ANKRD26: variants seen among roughly 807,000 people sequenced by gnomAD.
The protein encoded by ANKRD26 is ankyrin repeat domain 26.
ANKRD26 carries 141 observed loss-of-function variants against 208.7 expected under a neutral mutation model. The observed-to-expected ratio is 0.68, with a 90% CI of 0.59 to 0.78. ANKRD26 has a LOEUF of 0.78. Ranked by LOEUF, ANKRD26 falls within the 30% of genes least tolerant of loss-of-function variation. ANKRD26 has a pLI of 0.00. For synonymous variants in ANKRD26, 636 were observed against 660.4 expected, an observed-to-expected ratio of 0.96 and a Z score of 0.57; for missense variants, 1,889 against 1,938.7, an observed-to-expected ratio of 0.97 and a Z score of 0.48.
At chr10:27,046,324 T>C (rs995539029) in intron 18 of ANKRD26, 29 bp downstream of exon 18, 2 of 1,610,214 alleles carry the variant, frequency 1.2e-6, no homozygotes, top group Non-Finnish European at 8.5e-7. Context: ...CCTTCCTCCA[T>C]AGAAAAATAA....
rs1343361497 is a variant in ANKRD26 at position 27,033,218 on chromosome 10, T to C, written c.3807+7A>G. On this transcript the variant is annotated splice_region_variant and intron_variant, in intron 25 of 33. Transcript: ENST00000376087. ...TAACTGTTTGACATGTTAAATTTCATACATACTTGATTTCTGATTTGACCT... is the reference window on the plus strand; with the variant it reads ...TAACTGTTTGACATGTTAAATTTCACACATACTTGATTTCTGATTTGACCT... 2.5e-6 allele frequency: 4 copies of C among 1,603,014 alleles called. No homozygotes were observed. Among genetic ancestry groups the C allele is most frequent in the Admixed American group, 1.7e-5 (1 of 59,764 alleles).
intron 25 of ANKRD26, among the ~76,000 whole-genome samples, chr10:27,029,915 T>C (rs1359066409): frequency 2.6e-5 from 4 of 152,188 alleles, no homozygotes; most frequent in African/African-American, 4.8e-5. Flanking sequence ...AGTTACCAGC[T>C]GTGTGACCTT....
At chr10:27,088,114 G>T (rs1267310886) in intron 4 of ANKRD26, among the ~76,000 whole-genome samples, 2 of 152,148 alleles carry the variant, frequency 1.3e-5, no homozygotes, top group African/African-American at 4.8e-5. Flanking sequence ...CCATGAAGGA[G>T]ATGTGAATTG....
At chr10:26,997,341 T>C (rs2052615323) in intron 4 of ANKRD26, among the ~76,000 whole-genome samples, 1 of 152,206 alleles carries the variant, frequency 6.6e-6, no homozygotes, top group African/African-American at 2.4e-5. Context: ...TGGCTGCTCC[T>C]GTGTCAAGGA....
chr10:27,084,039 C>G (rs575344900), intron 5 of ANKRD26, among the ~76,000 whole-genome samples: 4 of 151,820 alleles, frequency 2.6e-5, no homozygotes, highest in African/African-American at 9.7e-5. Flanking sequence ...ATGGAGAAAC[C>G]CCGTCTCTAC....
intron 5 of ANKRD26, among the ~76,000 whole-genome samples, chr10:26,976,252 T>A (rs896056808): frequency 6.6e-6 from 1 of 151,948 alleles, no homozygotes; most frequent in African/African-American, 2.4e-5. Context: ...TCTCATTTTG[T>A]CACCCAGGCT....
downstream of ANKRD26, among the ~76,000 whole-genome samples, chr10:26,989,972 G>A (rs1483839202): frequency 6.6e-6 from 1 of 152,156 alleles, no homozygotes; most frequent in African/African-American, 2.4e-5. Flanking sequence ...AAGTGCTAGA[G>A]AGTTCTCGGT....
At chr10:26,975,561 G>A (rs1376356493) in exon 6 of ANKRD26, among the ~76,000 whole-genome samples, 3 of 152,058 alleles carry the variant, frequency 2.0e-5, no homozygotes, top group Non-Finnish European at 4.4e-5. Flanking sequence ...AGCTCTACAG[G>A]CCTGGCATCG....
At chr10:27,016,452 A>AT (rs899989025) in intron 30 of ANKRD26, among the ~76,000 whole-genome samples, 3 of 151,834 alleles carry the variant, frequency 2.0e-5, no homozygotes, top group African/African-American at 7.3e-5. Context: ...ATTTTTTTAA[A>AT]TTTTTTAGTA....
intron 15 of ANKRD26, among the ~76,000 whole-genome samples, chr10:27,054,570 C>A (rs1354160739): frequency 6.6e-6 from 1 of 152,032 alleles, no homozygotes; most frequent in Non-Finnish European, 1.5e-5. Flanking sequence ...GACTCCATCA[C>A]ACACACAAAA....
At chr10:26,998,669 A>G (rs1471171365) in intron 4 of ANKRD26, among the ~76,000 whole-genome samples, 1 of 152,230 alleles carries the variant, frequency 6.6e-6, no homozygotes, top group African/African-American at 2.4e-5. Flanking sequence ...ATTGATAGAC[A>G]AACGCTGGGG....
At chr10:27,067,383 C>T (rs931626161) in intron 9 of ANKRD26, 97 bp from the exon 10 acceptor site, 2 of 1,387,488 alleles carry the variant, frequency 1.4e-6, no homozygotes, top group Admixed American at 4.5e-5. Flanking sequence ...ACTTGCACTA[C>T]CATAAAGAAA....
rs776133728 is a variant in ANKRD26 at position 27,012,964 on chromosome 10, T to C, written c.4871A>G (p.Lys1624Arg). 1.2e-6 allele frequency: 2 copies of C among 1,614,046 alleles called. No individual in the cohort carries two copies. The highest frequency in any genetic ancestry group is 8.5e-7 in the Non-Finnish European group (1 of 1,179,974). The change falls in exon 32 of 34, where the codon AAA becomes AGA. Residue 1624 changes from lysine to arginine, a missense_variant. This residue lies in a region of ANKRD26 where 613 missense variants were observed against 648.2 expected (regional missense o/e 0.95). Coordinates refer to ENST00000376087, the MANE Select transcript of ANKRD26 (RefSeq NM_014915.3). Reference protein sequence around the residue: ...NLNNSLDLNRKLIPRENLVIS... With the variant: ...NLNNSLDLNRRLIPRENLVIS... ...CACTAAGTTTTCTCTTGGAATAAGTTTTCTGTTGAGATCTAAACTATTATT... is the reference window on the plus strand; with the variant it reads ...CACTAAGTTTTCTCTTGGAATAAGTCTTCTGTTGAGATCTAAACTATTATT...
chr10:27,070,989 T>C (rs2055465218), intron 9 of ANKRD26, among the ~76,000 whole-genome samples: 1 of 151,992 alleles, frequency 6.6e-6, no homozygotes, highest in African/African-American at 2.4e-5. Context: ...TAAACTCCCT[T>C]GGCAATCTTT....
rs371750769 is a variant in ANKRD26, at chr10:27,079,176, T to C, written c.741-15A>G. On this transcript the variant is annotated splice_polypyrimidine_tract_variant and intron_variant, in intron 6 of 33. Transcript: ENST00000376087. ...TGCCAGAAAGCCTTTAGAACAAAAA[T>C]ATAGAAAAATGAGTGAATTCATTTC... is the stretch of plus-strand genomic sequence containing the variant. 3.4e-5 allele frequency: 55 copies of C among 1,602,250 alleles called. No homozygotes were observed. Among genetic ancestry groups the C allele is most frequent in the Non-Finnish European group, 4.5e-5 (53 of 1,169,468 alleles).
At chr10:27,003,358 T>C (rs181456887), downstream of ANKRD26, among the ~76,000 whole-genome samples, 2 of 152,306 alleles carry the variant, frequency 1.3e-5, no homozygotes, top group Non-Finnish European at 2.9e-5. Flanking sequence ...TCACTGATTT[T>C]GTTCTATTTA....
At chr10:26,956,338 C>T in the ANKRD26 span, among the ~76,000 whole-genome samples, 1 of 152,020 alleles carries the variant, frequency 6.6e-6, no homozygotes, top group Non-Finnish European at 1.5e-5. Flanking sequence ...AATTTCTGAA[C>T]CATCTAATAA....
rs11294303 is a variant in ANKRD26 at position 27,028,585 on chromosome 10, C to CAAAAAAAAAAAAAAAAA, written c.3972+250_3972+266dup. Among the ~76,000 whole-genome samples, 170 of 76,032 alleles carry CAAAAAAAAAAAAAAAAA rather than the reference C, an allele frequency of 2.2e-3. 1 individual carries two copies. The highest frequency in any genetic ancestry group is 0.015 in the East Asian group (35 of 2,282). The allele number at this position is 76,032 out of a possible 152,430, so 49.9% of individuals were successfully genotyped here. On this transcript the variant is annotated intron_variant, in intron 27 of 33. Coordinates refer to ENST00000376087, the MANE Select transcript of ANKRD26 (RefSeq NM_014915.3). ...TGGGCGACAGAGTGAGACTCCATCTCAAAAAAAAAAAAAAAAAAAAATTAC... is the reference window on the plus strand; with the variant it reads ...TGGGCGACAGAGTGAGACTCCATCTCAAAAAAAAAAAAAAAAAAAAAAAAAAAAAAAAAAAAAATTAC...
At chr10:27,057,981 G>A (rs1301582860) in intron 15 of ANKRD26, among the ~76,000 whole-genome samples, 1 of 151,104 alleles carries the variant, frequency 6.6e-6, no homozygotes, top group African/African-American at 2.4e-5. Context: ...ATGGCCTTAA[G>A]TGACCTAATT....
Sources: gnomAD v4.1 joint callset for allele counts (sites outside exome capture counted in the v4.1 genomes callset) on GRCh38, gnomAD v4.1.1 for gene constraint, gnomAD v4.1.1 regional missense constraint, MANE v1.5 for transcripts, NCBI Gene and HGNC (gene_info 2026-07-23, HGNC 2026-07-21) for gene names.